PCDH15: variants seen among roughly 807,000 people sequenced by gnomAD.
The protein encoded by PCDH15 is protocadherin related 15, also known as protocadherin-15.
Under a neutral mutation model 178.5 loss-of-function variants are expected in PCDH15, and 129 were observed. The ratio of observed to expected loss-of-function variants is 0.72; its 90% CI spans 0.63 to 0.84. The LOEUF (loss-of-function observed/expected upper bound fraction) is 0.84, where lower values mean the gene tolerates loss of function less well. Among genes scored for constraint, PCDH15 ranks in the 40% least tolerant of loss-of-function variants. PCDH15 has a pLI of 0.00. For missense variants in PCDH15, 2,230 were observed against 2,099.9 expected (o/e 1.06, Z -1.21); for synonymous variants, 800 against 732.0 (o/e 1.09, Z -1.50).
chr10:55,437,644 C>CA (rs1002554540), intron 2 of PCDH15, among the ~76,000 whole-genome samples: 3 of 151,852 alleles, frequency 2.0e-5, no homozygotes, highest in Middle Eastern at 3.4e-3. Context: ...GTAAAAGAAC[C>CA]AAAAAAATCA....
intron 3 of PCDH15, among the ~76,000 whole-genome samples, chr10:54,486,025 G>A (rs1200885807): frequency 6.6e-6 from 1 of 152,038 alleles, no homozygotes; most frequent in East Asian, 1.9e-4. Context: ...TAACGTTGAG[G>A]ATGGAGTTTG....
At chr10:54,854,840 G>A (rs1953707704) in intron 3 of PCDH15, among the ~76,000 whole-genome samples, 1 of 152,158 alleles carries the variant, frequency 6.6e-6, no homozygotes, top group South Asian at 2.1e-4. Flanking sequence ...CCAGCCCCCA[G>A]CCTTCAGGCA....
chr10:53,997,572 G>T (rs1271791179), intron 20 of PCDH15, among the ~76,000 whole-genome samples: 2 of 152,048 alleles, frequency 1.3e-5, no homozygotes. Context: ...AAACCTTAAT[G>T]TCACAAGGTA....
At chr10:54,288,574 G>C (rs2059186035) in intron 8 of PCDH15, among the ~76,000 whole-genome samples, 1 of 152,184 alleles carries the variant, frequency 6.6e-6, no homozygotes, top group Non-Finnish European at 1.5e-5. Flanking sequence ...CCTCACCCAG[G>C]AAGCACAAGG....
intron 2 of PCDH15, among the ~76,000 whole-genome samples, chr10:54,963,731 G>T (rs1485223711): frequency 6.6e-6 from 1 of 152,100 alleles, no homozygotes; most frequent in Non-Finnish European, 1.5e-5. Context: ...TTCCTATACA[G>T]ACCACTTTAT....
At chr10:54,749,911 G>C (rs965047865) in intron 1 of PCDH15, among the ~76,000 whole-genome samples, 1 of 151,976 alleles carries the variant, frequency 6.6e-6, no homozygotes, top group African/African-American at 2.4e-5. Flanking sequence ...TTCTATTTTT[G>C]CCACTACCTA....
chr10:54,565,491 G>T (rs1395199387), intron 2 of PCDH15, among the ~76,000 whole-genome samples: 1 of 152,078 alleles, frequency 6.6e-6, no homozygotes, highest in African/African-American at 2.4e-5. Flanking sequence ...TTTATAGGTT[G>T]AAACTTTTTA....
chr10:54,335,642 T>A (rs764507594), intron 6 of PCDH15, among the ~76,000 whole-genome samples: 16 of 152,208 alleles, frequency 1.1e-4, no homozygotes, highest in Non-Finnish European at 2.1e-4. Context: ...ATGTAAGACA[T>A]GCCTTTTGCC....
At chr10:53,904,142 A>G (rs1311613600) in intron 25 of PCDH15, among the ~76,000 whole-genome samples, 1 of 152,196 alleles carries the variant, frequency 6.6e-6, no homozygotes, top group Non-Finnish European at 1.5e-5. Flanking sequence ...AAACAATTTA[A>G]TATGTATAAA....
At chr10:54,048,979 T>A (rs749452951) in intron 18 of PCDH15, among the ~76,000 whole-genome samples, 1 of 152,096 alleles carries the variant, frequency 6.6e-6, no homozygotes, top group Non-Finnish European at 1.5e-5. Context: ...ATTTTAATGA[T>A]ATTAACTCTT....
intron 2 of PCDH15, among the ~76,000 whole-genome samples, chr10:55,618,968 G>A (rs1843533369): frequency 6.6e-6 from 1 of 152,004 alleles, no homozygotes; most frequent in African/African-American, 2.4e-5. Context: ...AGGAACACAA[G>A]GGAGTTTGGA....
chr10:54,757,281 T>TCCTTTAGAAAACTACTTCATTTGCC (rs1566146509), intron 1 of PCDH15, among the ~76,000 whole-genome samples: 8 of 60,222 alleles, frequency 1.3e-4, no homozygotes, highest in Admixed American at 3.1e-4. Context: ...TCTACCTTTT[T>TCCTTTAGAAAACTACTTCATTTGCC]TTTTTTTTTT....
intron 35 of PCDH15, among the ~76,000 whole-genome samples, chr10:53,813,920 A>T (rs2075968673): frequency 6.6e-6 from 1 of 152,178 alleles, no homozygotes; most frequent in Non-Finnish European, 1.5e-5. Flanking sequence ...ATCTAGTTAT[A>T]CAGTATGGTT....
rs193153187 is a variant in PCDH15, at chr10:55,486,873, C to G, written c.-156+140752G>C. Among the ~76,000 whole-genome samples, 200 of 151,626 alleles carry G rather than the reference C, an allele frequency of 1.3e-3. 1 individual carries two copies. The highest frequency in any genetic ancestry group is 4.6e-3 in the African/African-American group (190 of 41,436). On this transcript the variant is annotated intron_variant, in intron 2 of 5. Transcript: ENST00000613346. ...AGGCCTCTTCTCACTGCTCATTTCC[C>G]TTTAAGCAGTTTTACTATGTATCAA...
At chr10:54,859,770 T>C (rs915444690) in intron 3 of PCDH15, among the ~76,000 whole-genome samples, 1 of 151,768 alleles carries the variant, frequency 6.6e-6, no homozygotes, top group African/African-American at 2.4e-5. Flanking sequence ...GCTATGCTGA[T>C]TATGGTACAT....
rs568986627 is a variant in PCDH15 at position 53,971,301 on chromosome 10, G to A, written c.2869-9409C>T. Among the ~76,000 whole-genome samples, 175 of 152,200 alleles carry A rather than the reference G, an allele frequency of 1.1e-3. 1 individual carries two copies. The highest frequency in any genetic ancestry group is 4.0e-3 in the African/African-American group (168 of 41,522). ...TGTAACCTATCTTAAAATAATAAGA[G>A]TTATTTGTGACAAACCCACAGCCAA... On this transcript the variant is annotated intron_variant, in intron 21 of 37. Transcript: ENST00000644397.
intron 1 of PCDH15, among the ~76,000 whole-genome samples, chr10:54,790,065 G>GA (rs963064743): frequency 1.3e-5 from 2 of 151,764 alleles, no homozygotes; most frequent in Non-Finnish European, 2.9e-5. Context: ...AAATTAGGGG[G>GA]ATCCTTCCCC....
chr10:53,836,067 G>T (rs763368681), intron 29 of PCDH15, among the ~76,000 whole-genome samples: 3 of 152,114 alleles, frequency 2.0e-5, no homozygotes, highest in Non-Finnish European at 4.4e-5. Flanking sequence ...TCAGGCAAAG[G>T]TCTACTGCTT....
chr10:55,602,266 A>T (rs975448806), intron 2 of PCDH15, among the ~76,000 whole-genome samples: 12 of 152,154 alleles, frequency 7.9e-5, no homozygotes, highest in East Asian at 1.9e-4. Flanking sequence ...GATTGCTAGC[A>T]CAGCAGTCTG....
Sources: gnomAD v4.1 joint callset for allele counts (sites outside exome capture counted in the v4.1 genomes callset) on GRCh38, gnomAD v4.1.1 for gene constraint, MANE v1.5 for transcripts, NCBI Gene and HGNC (gene_info 2026-07-23, HGNC 2026-07-21) for gene names.